The following GFPT2 variants were observed in gnomAD, a reference collection of about 807,000 sequenced individuals.
The protein encoded by GFPT2 is glutamine--fructose-6-phosphate aminotransferase [isomerizing] 2.
In GFPT2, 62 loss-of-function variants were observed where a neutral mutation model predicts 85.6. The ratio of observed to expected loss-of-function variants is 0.72; its 90% CI spans 0.59 to 0.90. The LOEUF is 0.90. Among genes scored for constraint, GFPT2 ranks in the 40% least tolerant of loss-of-function variants. The probability of loss-of-function intolerance (pLI) is 0.00; values close to 1 mark genes in which losing one functional copy is unlikely to be tolerated. For missense variants in GFPT2, 788 were observed against 893.4 expected, an observed-to-expected ratio of 0.88 and a Z score of 1.50; for synonymous variants, 368 against 344.5, an observed-to-expected ratio of 1.07 and a Z score of -0.75.
At chr5:180,341,958 T>G (rs1268079658) in intron 1 of GFPT2, among the ~76,000 whole-genome samples, 1 of 152,228 alleles carries the variant, frequency 6.6e-6, no homozygotes, top group Non-Finnish European at 1.5e-5. Flanking sequence ...AATCTCATCT[T>G]GAATTGCAGC....
In GFPT2 at chr5:180,333,046, A is replaced by T. The variant is rs563083745; in HGVS notation, c.341-1493T>A. Among the ~76,000 whole-genome samples, 6 of 152,320 alleles carry T rather than the reference A, an allele frequency of 3.9e-5. No individual in the cohort carries two copies. In the East Asian group the frequency reaches 1.2e-3, roughly 29 times the overall value. ...GGGAGGGCTTAAATAAGAAAAGCCCAGTTTCAACAGATGTGCTGACCACAG... is the reference window on the plus strand; with the variant it reads ...GGGAGGGCTTAAATAAGAAAAGCCCTGTTTCAACAGATGTGCTGACCACAG... On this transcript the variant is annotated intron_variant, in intron 4 of 18. Transcript: ENST00000253778.
intron 2 of GFPT2, among the ~76,000 whole-genome samples, chr5:180,337,483 A>G (rs1285974105): frequency 2.0e-5 from 3 of 151,900 alleles, no homozygotes; most frequent in Non-Finnish European, 4.4e-5. Context: ...GAATGAGTTT[A>G]GGATCCTAGA....
chr5:180,352,616 C>T, intron 1 of GFPT2: 1 of 449,122 alleles, frequency 2.2e-6, no homozygotes, highest in Non-Finnish European at 4.4e-6. Flanking sequence ...CGCAAAGAGG[C>T]GGTAACGCGG....
At chr5:180,302,615 AC>A (rs761711215) in intron 17 of GFPT2, 31 bp from the exon 18 acceptor site, 2 of 1,576,356 alleles carry the variant, frequency 1.3e-6, no homozygotes, top group South Asian at 1.1e-5. Flanking sequence ...CATAAAATAG[AC>A]CCTCTCTGAA....
At chr5:180,307,142 T>G (rs774168825) in intron 16 of GFPT2, 34 bp downstream of exon 16, 1 of 1,319,112 alleles carries the variant, frequency 7.6e-7, no homozygotes, top group Non-Finnish European at 1.0e-6. Context: ...GTGCCTGTCC[T>G]CCGTGGGGGT....
At position 180,302,443 on chromosome 5, in the gene GFPT2, C is replaced by T. The variant is rs1310658779; in HGVS notation, c.1984G>A (p.Ala662Thr). Residue 662 changes from alanine (A) to threonine (T), a missense_variant, in exon 18 of 19, where the codon GCT (alanine) becomes ACT (threonine). Ala to Thr is a moderately conservative substitution (Grantham distance 58). Coordinates refer to ENST00000253778, the MANE Select transcript of GFPT2 (RefSeq NM_005110.4). ...CGCACGTCATATCCTCGGAGAACAG[C>T]CAGGTGGAAGGACAGCAGCTGCAGC... ...IPLQLLSFHL[A>T]VLRGYDVDFP... 6.2e-7 allele frequency: 1 copy of T among 1,613,838 alleles called. No homozygotes were observed. Among genetic ancestry groups the T allele is most frequent in the Non-Finnish European group, 8.5e-7 (1 of 1,179,914 alleles).
chr5:180,339,133 C>A (rs922852331), intron 1 of GFPT2, among the ~76,000 whole-genome samples: 2 of 151,854 alleles, frequency 1.3e-5, no homozygotes, highest in Non-Finnish European at 2.9e-5. Flanking sequence ...TAATCCCAGC[C>A]CTTTGGGAGG....
intron 1 of GFPT2, among the ~76,000 whole-genome samples, chr5:180,340,228 CAG>C (rs1033740741): frequency 9.9e-5 from 15 of 151,690 alleles, no homozygotes; most frequent in African/African-American, 3.6e-4. Flanking sequence ...TTTTTTGAGA[CAG>C]AGTTTCATTC....
intron 9 of GFPT2, 127 bp downstream of exon 9, chr5:180,324,059 CTT>C: frequency 1.4e-6 from 1 of 690,430 alleles, no homozygotes. Context: ...TGGCTGAACT[CTT>C]CTTTGGCCCT....
intron 3 of GFPT2, 27 bp from the exon 4 acceptor site, chr5:180,335,980 G>T: frequency 6.5e-7 from 1 of 1,549,972 alleles, no homozygotes; most frequent in Non-Finnish European, 8.7e-7. Flanking sequence ...TCAGTTTGCC[G>T]CACTTGAACA....
intron 13 of GFPT2, among the ~76,000 whole-genome samples, chr5:180,315,199 A>T (rs569123882): frequency 1.2e-4 from 18 of 144,742 alleles, no homozygotes; most frequent in African/African-American, 4.4e-4. Context: ...TTTTTTTGAG[A>T]CGGAGTCTCG....
intron 13 of GFPT2, among the ~76,000 whole-genome samples, chr5:180,314,963 G>A (rs1181145898): frequency 3.3e-5 from 5 of 152,178 alleles, no homozygotes; most frequent in Non-Finnish European, 7.3e-5. Context: ...GGTGGGATCA[G>A]AAACCCAAAG....
At chr5:180,305,937 T>G (rs1006492432) in intron 16 of GFPT2, among the ~76,000 whole-genome samples, 17 of 151,674 alleles carry the variant, frequency 1.1e-4, no homozygotes, top group African/African-American at 4.1e-4. Flanking sequence ...ATGTTTCCGG[T>G]AACCACTTGT....
In GFPT2 at chr5:180,338,510, C is replaced by A. The variant is rs759163070; in HGVS notation, c.98G>T (p.Arg33Ile). Reference sequence around the variant, plus strand: ...ACACCCACCTGCCGAGTCGTAGCCTCTGTACTCCAGCCGCTGCAGGCCCTT... The same window carrying A: ...ACACCCACCTGCCGAGTCGTAGCCTATGTACTCCAGCCGCTGCAGGCCCTT... ...LIKGLQRLEY[R>I]GYDSAGVAID... Residue 33 changes from arginine (R) to isoleucine (I), a missense_variant, in exon 2 of 19, where the codon AGA (arginine) becomes ATA (isoleucine). Coordinates refer to ENST00000253778, the MANE Select transcript of GFPT2 (RefSeq NM_005110.4). The A allele has an allele frequency of 3.7e-6, 6 of 1,606,688 alleles. No homozygotes were observed. The highest frequency in any genetic ancestry group is 5.1e-6 in the Non-Finnish European group (6 of 1,173,496).
intron 4 of GFPT2, among the ~76,000 whole-genome samples, chr5:180,334,152 G>A (rs1312157873): frequency 6.6e-6 from 1 of 152,216 alleles, no homozygotes; most frequent in Non-Finnish European, 1.5e-5. Flanking sequence ...GCATGAGCCA[G>A]ACCCAAGGAA....
intron 14 of GFPT2, among the ~76,000 whole-genome samples, chr5:180,313,548 C>T (rs1263827503): frequency 2.0e-5 from 3 of 151,444 alleles, no homozygotes; most frequent in Admixed American, 1.3e-4. Flanking sequence ...CGAGATCGCG[C>T]CCCTGCACTC....
intron 1 of GFPT2, among the ~76,000 whole-genome samples, chr5:180,349,725 C>G (rs1481453141): frequency 2.0e-5 from 3 of 151,888 alleles, no homozygotes; most frequent in African/African-American, 7.3e-5. Flanking sequence ...TGAGCGAATA[C>G]ATTTCTGTTG....
intron 14 of GFPT2, among the ~76,000 whole-genome samples, 161 bp downstream of exon 14, chr5:180,313,646 T>G (rs115331239): frequency 0.014 from 2,161 of 150,334 alleles, 57 homozygotes; most frequent in African/African-American, 0.05. Flanking sequence ...GATACGGGAA[T>G]CCAAGAGGGG....
rs1405531398 is a variant in GFPT2 at position 180,330,363 on chromosome 5, A to T, written c.534+337T>A. ...GAAACACATCCTCGCTTGGTACCAC[A>T]ACTCTCTCTGCACACCACCACCAAG... is the stretch of plus-strand genomic sequence containing the variant. On this transcript the variant is annotated intron_variant, in intron 6 of 18. Transcript: ENST00000253778. The surrounding 1 kb of genome is among the most constrained non-coding windows in gnomAD (Gnocchi z 4.4). Among the ~76,000 whole-genome samples, 1 of 152,112 alleles carries T rather than the reference A, an allele frequency of 6.6e-6. No individual in the cohort carries two copies. Among genetic ancestry groups the T allele is most frequent in the African/African-American group, 2.4e-5 (1 of 41,402 alleles).
Sources: gnomAD v4.1 joint callset for allele counts (sites outside exome capture counted in the v4.1 genomes callset) on GRCh38, gnomAD v4.1.1 for gene constraint, Gnocchi (gnomAD v3.1) non-coding constraint, MANE v1.5 for transcripts, NCBI Gene and HGNC (gene_info 2026-07-23, HGNC 2026-07-21) for gene names.